The following ERBB4 variants were observed in gnomAD, a reference collection of about 807,000 sequenced individuals.
The protein encoded by ERBB4 is receptor tyrosine-protein kinase erbB-4.
ERBB4 carries 42 observed loss-of-function variants against 158.0 expected under a neutral mutation model. The observed-to-expected ratio is 0.27, with a 90% CI of 0.21 to 0.34. The LOEUF (loss-of-function observed/expected upper bound fraction) is 0.34, where lower values mean the gene tolerates loss of function less well. ERBB4 is among the 10% of genes least tolerant of loss of function. The probability of loss-of-function intolerance (pLI) is 1.00; values close to 1 mark genes in which losing one functional copy is unlikely to be tolerated. For synonymous variants in ERBB4, 583 were observed against 558.7 expected, an observed-to-expected ratio of 1.04 and a Z score of -0.61; for missense variants, 1,333 against 1,624.1, an observed-to-expected ratio of 0.82 and a Z score of 3.08.
intron 3 of ERBB4, among the ~76,000 whole-genome samples, chr2:211,885,483 T>A (rs187613536): frequency 3.3e-5 from 5 of 152,106 alleles, no homozygotes; most frequent in African/African-American, 1.2e-4. Context: ...TAAGACAGGC[T>A]CTCACTCTGT....
At chr2:212,331,762 T>G (rs1262582913) in intron 1 of ERBB4, among the ~76,000 whole-genome samples, 2 of 152,086 alleles carry the variant, frequency 1.3e-5, no homozygotes, top group Non-Finnish European at 2.9e-5. Flanking sequence ...CTATAAACTC[T>G]TTGAGGGCAA....
rs771566784 is a variant in ERBB4, at chr2:211,624,043, A to G, written c.2081T>C (p.Leu694Ser). 1 of 1,614,128 alleles carries G rather than the reference A, an allele frequency of 6.2e-7. No homozygotes were observed. The highest frequency in any genetic ancestry group is 1.7e-5 in the Admixed American group (1 of 60,014). Residue 694 changes from leucine to serine, a missense_variant and splice_region_variant, in exon 18 of 28, where the codon TTG becomes TCG. By Grantham distance (145) the Leu-to-Ser change is moderately radical. Coordinates refer to ENST00000342788, the MANE Select transcript of ERBB4 (RefSeq NM_005235.3). ...GCCACTGGGAGTTAATGGTTCCACC[A>G]ACTGCAAAGCGGAAAGAAGAAGGTT... is the stretch of plus-strand genomic sequence containing the variant. ...RALRRFLETE[L>S]VEPLTPSGTA...
intron 1 of ERBB4, among the ~76,000 whole-genome samples, chr2:212,220,873 G>C (rs2105952735): frequency 6.6e-6 from 1 of 151,510 alleles, no homozygotes; most frequent in African/African-American, 2.4e-5. Context: ...TCTCCATTAT[G>C]ATCTCCATCA....
At chr2:211,942,565 T>G (rs1477016946) in intron 3 of ERBB4, among the ~76,000 whole-genome samples, 1 of 152,026 alleles carries the variant, frequency 6.6e-6, no homozygotes, top group Non-Finnish European at 1.5e-5. Flanking sequence ...TCATATATTA[T>G]TTTCATTACT....
At chr2:212,056,383 A>T (rs1276005545) in intron 2 of ERBB4, among the ~76,000 whole-genome samples, 1 of 152,226 alleles carries the variant, frequency 6.6e-6, no homozygotes, top group Non-Finnish European at 1.5e-5. Context: ...AACTTCCCCA[A>T]CCTAGCAAGG....
At chr2:212,459,993 C>CCATGA (rs1688492374) in intron 1 of ERBB4, among the ~76,000 whole-genome samples, 1 of 152,100 alleles carries the variant, frequency 6.6e-6, no homozygotes, top group East Asian at 1.9e-4. Context: ...TGGGAAGTAA[C>CCATGA]TGAATCATGA....
At chr2:211,751,899 A>G (rs1217196349) in intron 4 of ERBB4, among the ~76,000 whole-genome samples, 1 of 152,194 alleles carries the variant, frequency 6.6e-6, no homozygotes, top group Non-Finnish European at 1.5e-5. Flanking sequence ...AAACTGTACT[A>G]TTTCCAAGTT....
At chr2:211,898,701 T>C (rs1023847488) in intron 3 of ERBB4, among the ~76,000 whole-genome samples, 11 of 152,174 alleles carry the variant, frequency 7.2e-5, no homozygotes, top group African/African-American at 2.4e-4. Flanking sequence ...TTCAGGATCA[T>C]TAAATTAAAA....
chr2:212,059,735 C>G (rs886983264), intron 2 of ERBB4, among the ~76,000 whole-genome samples: 5 of 152,140 alleles, frequency 3.3e-5, no homozygotes, highest in African/African-American at 1.2e-4. Context: ...AACTGGCTAG[C>G]CAAGTGTAGA....
intron 2 of ERBB4, among the ~76,000 whole-genome samples, chr2:212,009,670 G>A (rs1437324171): frequency 6.6e-6 from 1 of 152,076 alleles, no homozygotes; most frequent in African/African-American, 2.4e-5. Context: ...TGAGATTGCT[G>A]GGTTTTAGGA....
At chr2:211,437,185 C>A (rs1336654130) in intron 20 of ERBB4, among the ~76,000 whole-genome samples, 1 of 152,128 alleles carries the variant, frequency 6.6e-6, no homozygotes, top group East Asian at 1.9e-4. Flanking sequence ...ATTTTTTATA[C>A]CTTCTCTGTA....
intron 12 of ERBB4, among the ~76,000 whole-genome samples, chr2:211,697,410 G>T (rs910914861): frequency 4.0e-5 from 6 of 151,890 alleles, no homozygotes; most frequent in Non-Finnish European, 8.8e-5. Flanking sequence ...AATTAAAAAG[G>T]AAAAGAACAA....
At chr2:211,819,963 T>A (rs2076959005) in intron 3 of ERBB4, among the ~76,000 whole-genome samples, 1 of 151,834 alleles carries the variant, frequency 6.6e-6, no homozygotes, top group African/African-American at 2.4e-5. Context: ...ATAGCAAATT[T>A]TAGAACAGAT....
chr2:212,042,837 T>C (rs1409642269), intron 2 of ERBB4, among the ~76,000 whole-genome samples: 2 of 152,176 alleles, frequency 1.3e-5, no homozygotes, highest in East Asian at 1.9e-4. Context: ...ACTAGTTCAG[T>C]TGTTGTTTAG....
intron 1 of ERBB4, among the ~76,000 whole-genome samples, chr2:212,494,189 G>A (rs1690436306): frequency 6.6e-6 from 1 of 151,834 alleles, no homozygotes; most frequent in African/African-American, 2.4e-5. Flanking sequence ...TCTATCAAAT[G>A]TACTAACTGA....
At chr2:211,975,484 C>T (rs2081579869) in intron 2 of ERBB4, among the ~76,000 whole-genome samples, 1 of 152,088 alleles carries the variant, frequency 6.6e-6, no homozygotes, top group South Asian at 2.1e-4. Context: ...CAAAGAACAA[C>T]TTCACTTGGA....
At chr2:211,969,032 A>G (rs1276864719) in intron 2 of ERBB4, among the ~76,000 whole-genome samples, 1 of 152,058 alleles carries the variant, frequency 6.6e-6, no homozygotes, top group African/African-American at 2.4e-5. Flanking sequence ...TAACAAATAG[A>G]GAATAAGCAT....
intron 1 of ERBB4, among the ~76,000 whole-genome samples, chr2:212,208,657 CA>C (rs1457102700): frequency 1.3e-5 from 2 of 152,024 alleles, no homozygotes; most frequent in Non-Finnish European, 2.9e-5. Flanking sequence ...AGTGGGAATT[CA>C]AAACATTAAG....
chr2:211,963,549 T>C (rs1227401537), intron 2 of ERBB4, among the ~76,000 whole-genome samples: 1 of 152,128 alleles, frequency 6.6e-6, no homozygotes, highest in Non-Finnish European at 1.5e-5. Flanking sequence ...ATTGCACATA[T>C]TACTGGATGG....
Sources: gnomAD v4.1 joint callset for allele counts (sites outside exome capture counted in the v4.1 genomes callset) on GRCh38, gnomAD v4.1.1 for gene constraint, MANE v1.5 for transcripts, NCBI Gene and HGNC (gene_info 2026-07-23, HGNC 2026-07-21) for gene names.